Variants in ECEL1 observed in about 807,000 individuals in gnomAD.
ECEL1 encodes the protein endothelin-converting enzyme-like 1.
In ECEL1, 87 loss-of-function variants were observed where a neutral mutation model predicts 101.8. That is an observed-to-expected ratio of 0.85 (90% CI 0.72 to 1.02). The LOEUF (loss-of-function observed/expected upper bound fraction) is 1.02. Among genes scored for constraint, ECEL1 ranks in the 50% least tolerant of loss-of-function variants. The pLI is 0.00. For missense variants in ECEL1, 1,032 were observed against 1,079.2 expected, an observed-to-expected ratio of 0.96 and a Z score of 0.61; for synonymous variants, 487 against 468.7, an observed-to-expected ratio of 1.04 and a Z score of -0.50.
chr2:232,480,580 C>T (rs374636102), intron 16 of ECEL1, 105 bp from the exon 17 acceptor site: 16 of 1,515,160 alleles, frequency 1.1e-5, no homozygotes, highest in Middle Eastern at 2.1e-4. Context: ...CTCAGCACCA[C>T]AGGACCATCA....
chr2:232,481,227 G>A (rs1190988232), intron 14 of ECEL1, 71 bp from the exon 15 acceptor site: 1 of 1,522,934 alleles, frequency 6.6e-7, no homozygotes, highest in Admixed American at 2.0e-5. Flanking sequence ...TGATACCCTG[G>A]GCCCCAGCCC....
At chr2:232,482,735 C>T in intron 10 of ECEL1, 116 bp downstream of exon 10, 1 of 1,504,082 alleles carries the variant, frequency 6.6e-7, no homozygotes, top group Admixed American at 1.7e-5. Context: ...ACCCCATGCC[C>T]TGTGCTGGCG....
Position 232,486,373 on chromosome 2 carries a change from G to GCGC in ECEL1, c.278_280dup (p.Gly93dup), listed in dbSNP as rs1225625542. On this transcript the variant is annotated inframe_insertion, in exon 2 of 18. Coordinates refer to ENST00000304546, the MANE Select transcript of ECEL1 (RefSeq NM_004826.4). ...GCGCTCAGGGCAGCCCTCGGGACAG[G>GCGC]CGCCGCCGCCGGCCGCGACCGGGCC... 6.7e-6 allele frequency: 10 copies of GCGC among 1,490,966 alleles called. No homozygotes were observed. The highest frequency in any genetic ancestry group is 8.8e-6 in the Non-Finnish European group (10 of 1,132,070). The allele number at this position is 1,490,966 out of a possible 1,614,324, so 92.4% of individuals were successfully genotyped here.
Position 232,483,434 on chromosome 2 carries a change from C to T in ECEL1, c.1488G>A (p.Arg496=), listed in dbSNP as rs1441788125. 6.8e-6 allele frequency: 11 copies of T among 1,611,146 alleles called. No individual in the cohort carries two copies. Among genetic ancestry groups the T allele is most frequent in the Non-Finnish European group, 9.3e-6 (11 of 1,179,182 alleles). The change falls in exon 8 of 18, where the codon AGG becomes AGA. Residue 496 remains arginine, a synonymous_variant. Transcript: ENST00000304546. Reference sequence around the variant, plus strand: ...CCCTCACCTTGGCCCGAGCAGCAGCCCTGGTCTCGGCGTCCATCCAGTCCA... The same window carrying T: ...CCCTCACCTTGGCCCGAGCAGCAGCTCTGGTCTCGGCGTCCATCCAGTCCA... ...EELDWMDAET[R]AAARAKLQYM... is the part of the protein sequence containing the mutation.
At chr2:232,482,178 A>G (rs1690598350) in intron 12 of ECEL1, among the ~76,000 whole-genome samples, 1 of 152,210 alleles carries the variant, frequency 6.6e-6, no homozygotes, top group Admixed American at 6.5e-5. Flanking sequence ...CACCTTTGAA[A>G]CATCAAAATG....
chr2:232,487,114 G>A (rs371324923), intron 1 of ECEL1, among the ~76,000 whole-genome samples: 40 of 152,346 alleles, frequency 2.6e-4, no homozygotes, highest in African/African-American at 9.4e-4. Context: ...TGGAGTGGGG[G>A]AAGAAGCGGA....
chr2:232,486,064 C>G lies in ECEL1; in HGVS notation c.590G>C (p.Gly197Ala). ...GATGACCTCTAGCATGGGTCGCGGG[C>G]CCAGTCGCTCGATCTCGCGCATGTC... ...CLDMREIERL[G>A]PRPMLEVIED... Residue 197 changes from glycine (G) to alanine (A), a missense_variant, in exon 2 of 18, where the codon GGC becomes GCC. By Grantham distance (60) the Gly-to-Ala change is moderately conservative. Transcript: ENST00000304546. The G allele has an allele frequency of 6.2e-7, 1 of 1,605,698 alleles. No homozygotes were observed. The highest frequency in any genetic ancestry group is 8.5e-7 in the Non-Finnish European group (1 of 1,177,252).
Position 232,480,978 on chromosome 2 carries a change from C to T in ECEL1, c.2055+113G>A, listed in dbSNP as rs567195440. The T allele has an allele frequency of 1.2e-5, 17 of 1,433,606 alleles. No homozygotes were observed. The East Asian group carries it at 4.0e-4, about 34-fold the overall frequency. The allele number at this position is 1,433,606 out of a possible 1,614,324, so 88.8% of individuals were successfully genotyped here. A position where few individuals can be genotyped will look rare whatever the true frequency, so the allele number is the denominator to read the frequency against. On this transcript the variant is annotated intron_variant, in intron 15 of 17. Coordinates refer to ENST00000304546, the MANE Select transcript of ECEL1 (RefSeq NM_004826.4). ...CCCCAGCACATGCCCTGCCCCACCC[C>T]AGGCCAGAGCTCAGCAGGGTGGGCA...
chr2:232,483,475 G>C lies in ECEL1; in HGVS notation c.1447C>G (p.Gln483Glu). The C allele has an allele frequency of 6.2e-7, 1 of 1,612,398 alleles. No individual in the cohort carries two copies. Among genetic ancestry groups the C allele is most frequent in the Non-Finnish European group, 8.5e-7 (1 of 1,179,744 alleles). ...ATCCAGTCCAGCTCCTCCAGGCGCT[G>C]GCCCAGGATGTACTTGATGTCTTCC... The part of the protein sequence containing the change: ...LVEDIKYILG[Q>E]RLEELDWMDA... Residue 483 changes from glutamine to glutamate, a missense_variant, in exon 8 of 18, where the codon CAG becomes GAG. Coordinates refer to ENST00000304546, the MANE Select transcript of ECEL1 (RefSeq NM_004826.4).
At chr2:232,485,158 GC>G in intron 3 of ECEL1, 40 bp downstream of exon 3, 1 of 1,612,576 alleles carries the variant, frequency 6.2e-7, no homozygotes, top group African/African-American at 1.3e-5. Flanking sequence ...CCCTCCTGGG[GC>G]CCCAGGCCTT....
intron 7 of ECEL1, 54 bp downstream of exon 7, chr2:232,483,947 G>A (rs2106184765): frequency 6.5e-7 from 1 of 1,539,098 alleles, no homozygotes; most frequent in Non-Finnish European, 8.8e-7. Context: ...GGCCTCGGGA[G>A]GGCTCCACCC....
Position 232,486,727 on chromosome 2 carries a change from G to T in ECEL1, c.-74C>A, listed in dbSNP as rs1270268907. 8.0e-6 allele frequency: 11 copies of T among 1,371,626 alleles called. No homozygotes were observed. The South Asian group carries it at 1.8e-4, about 22-fold the overall frequency. 85.0% of individuals were successfully genotyped at this position (1,371,626 alleles called of 1,614,324 possible). ...TGCGCGTGGCCGCCGGCCTCCTCGTGGGCCTCCGCATGGCCCTGGGGCCGC... is the reference window on the plus strand; with the variant it reads ...TGCGCGTGGCCGCCGGCCTCCTCGTTGGCCTCCGCATGGCCCTGGGGCCGC... On this transcript the variant is annotated 5_prime_UTR_variant, in exon 2 of 18. Transcript: ENST00000304546.
chr2:232,487,267 C>T (rs1011690537), intron 1 of ECEL1, among the ~76,000 whole-genome samples: 1 of 152,206 alleles, frequency 6.6e-6, no homozygotes, highest in Non-Finnish European at 1.5e-5. Context: ...CCACGCCAAC[C>T]CCGCTCCCTG....
At chr2:232,482,774 G>A (rs920365384) in intron 10 of ECEL1, 77 bp downstream of exon 10, 2 of 1,568,126 alleles carry the variant, frequency 1.3e-6, no homozygotes, top group African/African-American at 2.7e-5. Flanking sequence ...GCATGGCTGT[G>A]AGACGATTTG....
intron 15 of ECEL1, 83 bp from the exon 16 acceptor site, chr2:232,480,896 C>T: frequency 1.4e-6 from 2 of 1,416,298 alleles, no homozygotes; most frequent in Non-Finnish European, 9.7e-7. Context: ...AGGTAGCCCT[C>T]CCTGCTCTCC....
chr2:232,481,076 A>G lies in ECEL1; in HGVS notation c.2055+15T>C, dbSNP rs1271596885. 1.3e-6 allele frequency: 2 copies of G among 1,554,452 alleles called. No homozygotes were observed. The highest frequency in any genetic ancestry group is 1.4e-5 in the African/African-American group (1 of 73,452). Reference sequence around the variant, plus strand: ...CCCTCCTGCAGCAGGGGTGGAGCACAGGCAGGCCGCTCACGTGGTAGGCCA... The same window carrying G: ...CCCTCCTGCAGCAGGGGTGGAGCACGGGCAGGCCGCTCACGTGGTAGGCCA... On this transcript the variant is annotated intron_variant, in intron 15 of 17. Transcript: ENST00000304546.
intron 8 of ECEL1, 63 bp downstream of exon 8, chr2:232,483,345 TCTCTTTCG>T (rs1690633958): frequency 6.4e-7 from 1 of 1,562,272 alleles, no homozygotes; most frequent in Non-Finnish European, 8.7e-7. Context: ...TCCCTTTTGT[TCTCTTTCG>T]CTGGTACACA....
intron 2 of ECEL1, among the ~76,000 whole-genome samples, chr2:232,485,552 G>C (rs1221197149): frequency 6.6e-6 from 1 of 152,172 alleles, no homozygotes; most frequent in Non-Finnish European, 1.5e-5. Flanking sequence ...CCTAGCTTTG[G>C]GGCCAGCTCC....
intron 2 of ECEL1, among the ~76,000 whole-genome samples, chr2:232,485,609 C>T (rs1690699925): frequency 6.6e-6 from 1 of 152,254 alleles, no homozygotes; most frequent in African/African-American, 2.4e-5. Context: ...GCCTCTCCCT[C>T]CTGGCCCTCA....
Sources: gnomAD v4.1 joint callset for allele counts (sites outside exome capture counted in the v4.1 genomes callset) on GRCh38, gnomAD v4.1.1 for gene constraint, MANE v1.5 for transcripts, NCBI Gene and HGNC (gene_info 2026-07-23, HGNC 2026-07-21) for gene names.